EPG5: variants seen among roughly 807,000 people sequenced by gnomAD.
The protein encoded by EPG5 is ectopic P-granules 5 autophagy tethering factor.
A neutral mutation model predicts 302.7 loss-of-function variants in EPG5; 159 were observed. The ratio of observed to expected loss-of-function variants is 0.53; its 90% CI spans 0.46 to 0.60. The LOEUF (loss-of-function observed/expected upper bound fraction) is 0.60. Ranked by LOEUF, EPG5 falls within the 20% of genes least tolerant of loss-of-function variation. The pLI is 0.00. For synonymous variants in EPG5, 1,158 were observed against 1,136.8 expected, an observed-to-expected ratio of 1.02 and a Z score of -0.37; for missense variants, 2,896 against 3,092.4, an observed-to-expected ratio of 0.94 and a Z score of 1.51.
intron 13 of EPG5, among the ~76,000 whole-genome samples, chr18:45,927,155 C>T (rs911444956): frequency 6.6e-6 from 1 of 151,808 alleles, no homozygotes; most frequent in Non-Finnish European, 1.5e-5. Flanking sequence ...GCCTCAGCCT[C>T]CTGAGTAGCT....
chr18:45,867,070 C>T (rs1475954409), intron 37 of EPG5, 63 bp from the exon 38 acceptor site: 8 of 1,178,522 alleles, frequency 6.8e-6, no homozygotes, highest in Non-Finnish European at 8.7e-6. Context: ...ATATGTGTTG[C>T]TAACTAGTCT....
Position 45,962,714 on chromosome 18 carries a change from C to T in EPG5, c.63+4463G>A, listed in dbSNP as rs577201496. ...TAAAGGCAACAGCACATGACACTATCCACTTCCTGAACTGAGACTTTGAAC... is the reference window on the plus strand; with the variant it reads ...TAAAGGCAACAGCACATGACACTATTCACTTCCTGAACTGAGACTTTGAAC... On this transcript the variant is annotated intron_variant, in intron 1 of 43. Transcript: ENST00000282041. 2.0e-5 allele frequency among the ~76,000 whole-genome samples: 3 copies of T among 152,266 alleles called. No individual in the cohort carries two copies. The South Asian group carries it at 6.2e-4, about 32-fold the overall frequency.
At chr18:45,859,822 T>C (rs2145206259) in intron 40 of EPG5, among the ~76,000 whole-genome samples, 1 of 152,338 alleles carries the variant, frequency 6.6e-6, no homozygotes, top group South Asian at 2.1e-4. Flanking sequence ...TTGCATATCA[T>C]AACAGGTTGG....
At chr18:45,813,751 A>G in the EPG5 span, among the ~76,000 whole-genome samples, 1 of 128,620 alleles carries the variant, frequency 7.8e-6, no homozygotes. Context: ...AACATCACAC[A>G]CTGGGGCCTG....
chr18:45,922,009 C>A (rs894878236), intron 16 of EPG5, among the ~76,000 whole-genome samples: 1 of 146,212 alleles, frequency 6.8e-6, no homozygotes, highest in Admixed American at 6.8e-5. Flanking sequence ...ATCAATTTTT[C>A]AAAAATTTTA....
rs201062477 is a variant in EPG5, at chr18:45,899,447, C to T, written c.4766G>A (p.Ser1589Asn). Residue 1589 changes from serine (S) to asparagine (N), a missense_variant, in exon 27 of 44, where the codon AGC (serine) becomes AAC (asparagine). Coordinates refer to ENST00000282041, the MANE Select transcript of EPG5 (RefSeq NM_020964.3). ...GGCTCCTTGGCATTTCTTACCGCTG[C>T]TGCCTCTGCACTCCAAATGTAGTGT... is the stretch of plus-strand genomic sequence containing the variant. ...QTTLHLECRG[S>N]SGKKCQGAAV... 9.9e-5 allele frequency: 159 copies of T among 1,614,076 alleles called. No homozygotes were observed. The highest frequency in any genetic ancestry group is 1.3e-4 in the Non-Finnish European group (149 of 1,180,048).
At chr18:45,831,807 G>A in the EPG5 span, among the ~76,000 whole-genome samples, 7 of 150,418 alleles carry the variant, frequency 4.7e-5, no homozygotes, top group Admixed American at 2.0e-4. Context: ...GGGCAATCTC[G>A]GCTCACTGCA....
At chr18:45,907,505 A>G (rs1231944975) in intron 24 of EPG5, among the ~76,000 whole-genome samples, 2 of 152,214 alleles carry the variant, frequency 1.3e-5, no homozygotes, top group East Asian at 3.9e-4. Flanking sequence ...TGACAATGAC[A>G]AGTAAGCACC....
Position 45,930,680 on chromosome 18 carries a change from T to A in EPG5, c.2408A>T (p.Tyr803Phe), listed in dbSNP as rs2050379186. ...TATAAAACTTCATATTCTAACCTCA[T>A]ATATCTCCAGAACAATAATTTTTAT... is the stretch of plus-strand genomic sequence containing the variant. ...DFIKIIVLEI[Y>F]EVSYVTLSTR... Residue 803 changes from tyrosine to phenylalanine, a missense_variant, in exon 12 of 44, where the codon TAT (tyrosine) becomes TTT (phenylalanine). Tyr to Phe is a conservative substitution (Grantham distance 22). Around this residue, in one of 5 missense-constraint regions of EPG5, gnomAD observed 1,390 missense variants for 1,430.0 expected, o/e 0.97. Transcript: ENST00000282041. The A allele has an allele frequency of 7.6e-6, 12 of 1,577,668 alleles. No individual in the cohort carries two copies. The East Asian group carries it at 2.7e-4, about 36-fold the overall frequency.
At chr18:45,915,678 A>C (rs2050013897) in intron 19 of EPG5, 57 bp from the exon 20 acceptor site, 5 of 1,318,396 alleles carry the variant, frequency 3.8e-6, no homozygotes, top group Non-Finnish European at 4.4e-6. Flanking sequence ...CTTATCAATG[A>C]CCTTTACAAG....
chr18:45,929,861 A>G (rs2050360940), intron 12 of EPG5, among the ~76,000 whole-genome samples: 1 of 152,256 alleles, frequency 6.6e-6, no homozygotes, highest in Non-Finnish European at 1.5e-5. Context: ...CCTGGAAAGA[A>G]CATCCAGGTT....
At chr18:45,818,765 G>A in the EPG5 span, among the ~76,000 whole-genome samples, 1 of 106,336 alleles carries the variant, frequency 9.4e-6, no homozygotes, top group Non-Finnish European at 1.7e-5. Flanking sequence ...ATGGAGTCTT[G>A]CTCTGTCACT....
In EPG5 at chr18:45,916,185, G is replaced by A. The variant is rs2050027504; in HGVS notation, c.3406C>T (p.Gln1136Ter). 6.2e-7 allele frequency: 1 copy of A among 1,613,616 alleles called. No individual in the cohort carries two copies. The highest frequency in any genetic ancestry group is 1.3e-5 in the African/African-American group (1 of 75,006). The change falls in exon 19 of 44, where the codon CAG becomes TAG. Residue 1136 changes from glutamine to a stop codon, truncating the protein, a stop_gained. Coordinates refer to ENST00000282041, the MANE Select transcript of EPG5 (RefSeq NM_020964.3). LOFTEE classifies it high-confidence loss of function. ...GCAACGGGGCCCACTTCATTGGGCT[G>A]AGTGCTTACAGATATGTGTGCCTGT... Reference protein sequence around the residue: ...MIQAHISVSTQPNEVGPVAVL... With the variant: ...MIQAHISVST
the EPG5 span, among the ~76,000 whole-genome samples, chr18:45,831,838 A>G: frequency 6.6e-6 from 1 of 151,880 alleles, no homozygotes; most frequent in African/African-American, 2.4e-5. Context: ...CCCGGGTTCA[A>G]GCGGTTCTCC....
chr18:45,858,050 T>A lies in EPG5; in HGVS notation c.7245A>T (p.Ala2415=). 6.2e-7 allele frequency: 1 copy of A among 1,613,534 alleles called. No individual in the cohort carries two copies. The highest frequency in any genetic ancestry group is 8.5e-7 in the Non-Finnish European group (1 of 1,179,692). ...CTTGGTGCCACCACAAAAACAGCTT[T>A]GCCTCTTCCTCCACGGAGCTAGGGG... is the stretch of plus-strand genomic sequence containing the variant. ...QVYPSSVEEE[A]KLFLWWHQVL... is the part of the protein sequence containing the mutation. Residue 2415 remains alanine, a synonymous_variant, in exon 42 of 44, where the codon GCA becomes GCT. Transcript: ENST00000282041.
At chr18:45,840,082 A>G in the EPG5 span, 1 of 952,922 alleles carries the variant, frequency 1.0e-6, no homozygotes, top group South Asian at 1.6e-5. Context: ...ACACCCTGCT[A>G]GTCTGCTGTT....
At chr18:45,832,043 C>T in the EPG5 span, among the ~76,000 whole-genome samples, 2 of 152,198 alleles carry the variant, frequency 1.3e-5, no homozygotes, top group Admixed American at 6.5e-5. Context: ...AACATCTTAA[C>T]CCCCTGTGGC....
chr18:45,930,937 C>CT (rs534955146), intron 11 of EPG5, 107 bp from the exon 12 acceptor site: 3 of 1,105,314 alleles, frequency 2.7e-6, no homozygotes, highest in Non-Finnish European at 3.7e-6. Flanking sequence ...TACAAAAGGT[C>CT]TTTCTTTGTT....
chr18:45,831,840 C>T, the EPG5 span, among the ~76,000 whole-genome samples: 9 of 151,696 alleles, frequency 5.9e-5, no homozygotes, highest in African/African-American at 1.5e-4. Flanking sequence ...CGGGTTCAAG[C>T]GGTTCTCCTG....
Sources: gnomAD v4.1 joint callset for allele counts (sites outside exome capture counted in the v4.1 genomes callset) on GRCh38, gnomAD v4.1.1 for gene constraint, gnomAD v4.1.1 regional missense constraint, MANE v1.5 for transcripts, NCBI Gene and HGNC (gene_info 2026-07-23, HGNC 2026-07-21) for gene names.